The following SGPP2 variants were observed in gnomAD, a reference collection of about 807,000 sequenced individuals.
SGPP2 encodes sphingosine 1-phosphate phosphohydrolase 2.
In SGPP2, 30 loss-of-function variants were observed where a neutral mutation model predicts 33.9. The observed-to-expected ratio is 0.89, with a 90% CI of 0.66 to 1.20. The LOEUF (loss-of-function observed/expected upper bound fraction) is 1.20, where lower values mean the gene tolerates loss of function less well. Ranked by LOEUF, SGPP2 falls within the 50% of genes most tolerant of loss-of-function variation. The pLI, the probability that SGPP2 is intolerant of heterozygous loss-of-function variation, is 0.00. For missense variants in SGPP2, 458 were observed against 532.1 expected (o/e 0.86, Z 1.37); for synonymous variants, 233 against 225.0 (o/e 1.04, Z -0.32).
chr2:222,509,934 A>G (rs764738514), intron 2 of SGPP2, among the ~76,000 whole-genome samples: 5 of 152,166 alleles, frequency 3.3e-5, no homozygotes, highest in African/African-American at 7.2e-5. Context: ...TTTACTTTCT[A>G]TCTCTATGGA....
In SGPP2 at chr2:222,424,828, A is replaced by T; in HGVS notation, c.219+7A>T. On this transcript the variant is annotated splice_region_variant and intron_variant, in intron 1 of 4. Coordinates refer to ENST00000321276, the MANE Select transcript of SGPP2 (RefSeq NM_152386.4). ...CAGAGCCGCGGCGCCGGAGGTAACCATGGGCAGGTGTTCGCCGGGTACGGG... is the reference window on the plus strand; with the variant it reads ...CAGAGCCGCGGCGCCGGAGGTAACCTTGGGCAGGTGTTCGCCGGGTACGGG... 1.5e-6 allele frequency: 2 copies of T among 1,351,910 alleles called. No homozygotes were observed. Among genetic ancestry groups the T allele is most frequent in the Non-Finnish European group, 1.9e-6 (2 of 1,054,476 alleles). 83.7% of individuals were successfully genotyped at this position (1,351,910 alleles called of 1,614,324 possible). A position where few individuals can be genotyped will look rare whatever the true frequency, so the allele number is the denominator to read the frequency against.
intron 1 of SGPP2, among the ~76,000 whole-genome samples, chr2:222,438,470 C>T (rs972530761): frequency 9.2e-5 from 14 of 152,236 alleles, no homozygotes; most frequent in Admixed American, 6.5e-5. Context: ...TGATATACCC[C>T]TGAGGTAGGA....
intron 1 of SGPP2, among the ~76,000 whole-genome samples, chr2:222,459,371 A>G (rs980026907): frequency 2.0e-5 from 3 of 151,942 alleles, no homozygotes; most frequent in Admixed American, 6.6e-5. Context: ...GCTGGTCTCA[A>G]ACTCCTGAGC....
At chr2:222,436,011 G>A (rs893494500) in intron 1 of SGPP2, among the ~76,000 whole-genome samples, 1 of 152,176 alleles carries the variant, frequency 6.6e-6, no homozygotes, top group Non-Finnish European at 1.5e-5. Context: ...ACAGGGAATG[G>A]TAATACTAAG....
chr2:222,531,836 GC>G (rs1232889821), intron 4 of SGPP2, among the ~76,000 whole-genome samples: 1 of 152,092 alleles, frequency 6.6e-6, no homozygotes, highest in East Asian at 1.9e-4. Context: ...ATATGTGCAT[GC>G]CCCTGAACAA....
chr2:222,472,803 T>C (rs761416777), intron 1 of SGPP2, among the ~76,000 whole-genome samples: 2 of 152,192 alleles, frequency 1.3e-5, no homozygotes, highest in Non-Finnish European at 2.9e-5. Flanking sequence ...TTACCTGAAG[T>C]CAGGAGTTGG....
At chr2:222,452,039 T>TC (rs397694816) in intron 1 of SGPP2, among the ~76,000 whole-genome samples, 2 of 152,052 alleles carry the variant, frequency 1.3e-5, no homozygotes, top group South Asian at 2.1e-4. Context: ...TCTTTTTTTT[T>TC]CACATCAATT....
chr2:222,514,871 C>T (rs1372241684), intron 2 of SGPP2, among the ~76,000 whole-genome samples: 1 of 152,164 alleles, frequency 6.6e-6, no homozygotes, highest in Non-Finnish European at 1.5e-5. Flanking sequence ...GGACCAGGGG[C>T]TGAGCCCTTC....
chr2:222,443,631 G>T (rs1232023481), intron 1 of SGPP2, among the ~76,000 whole-genome samples: 2 of 152,192 alleles, frequency 1.3e-5, no homozygotes, highest in African/African-American at 4.8e-5. Flanking sequence ...GTTGTGCCAA[G>T]AGTAGATATT....
intron 2 of SGPP2, among the ~76,000 whole-genome samples, chr2:222,482,818 T>A (rs1215627577): frequency 1.3e-5 from 2 of 152,158 alleles, no homozygotes; most frequent in African/African-American, 4.8e-5. Context: ...GACAACTAAC[T>A]AGGGCCACAG....
At chr2:222,515,919 G>A (rs1030549076) in intron 2 of SGPP2, among the ~76,000 whole-genome samples, 14 of 152,066 alleles carry the variant, frequency 9.2e-5, no homozygotes, top group Non-Finnish European at 1.8e-4. Context: ...GTGGTAGCGC[G>A]TGACTGTAGT....
intron 1 of SGPP2, among the ~76,000 whole-genome samples, chr2:222,439,103 G>A (rs1374798205): frequency 6.6e-6 from 1 of 152,138 alleles, no homozygotes; most frequent in Admixed American, 6.5e-5. Context: ...GATGTTTTGG[G>A]TCCCCTGGAA....
intron 2 of SGPP2, among the ~76,000 whole-genome samples, chr2:222,491,047 T>C (rs1412691830): frequency 6.6e-6 from 1 of 152,216 alleles, no homozygotes; most frequent in Non-Finnish European, 1.5e-5. Flanking sequence ...ACTCCAGTAA[T>C]AATTGTCTCA....
At chr2:222,469,041 C>A (rs763981155) in intron 1 of SGPP2, among the ~76,000 whole-genome samples, 1 of 152,088 alleles carries the variant, frequency 6.6e-6, no homozygotes, top group Non-Finnish European at 1.5e-5. Context: ...TAAATAAGAG[C>A]CTCTCATGAG....
At chr2:222,495,206 G>A (rs1314871863) in intron 2 of SGPP2, among the ~76,000 whole-genome samples, 2 of 152,046 alleles carry the variant, frequency 1.3e-5, no homozygotes, top group Non-Finnish European at 1.5e-5. Context: ...TTGAGGCCAG[G>A]AGTTTGAGAC....
At chr2:222,434,415 G>A (rs1304490104) in intron 1 of SGPP2, among the ~76,000 whole-genome samples, 1 of 152,170 alleles carries the variant, frequency 6.6e-6, no homozygotes, top group Non-Finnish European at 1.5e-5. Context: ...AAAAGTCCCT[G>A]AGGCTTGGGC....
intron 1 of SGPP2, among the ~76,000 whole-genome samples, chr2:222,434,112 A>G (rs1482105100): frequency 6.6e-6 from 1 of 152,174 alleles, no homozygotes; most frequent in East Asian, 1.9e-4. Context: ...TTTCCAGGCA[A>G]CGCATCAAGA....
chr2:222,427,320 G>A (rs766071188), intron 1 of SGPP2, among the ~76,000 whole-genome samples: 4 of 152,110 alleles, frequency 2.6e-5, no homozygotes, highest in Non-Finnish European at 5.9e-5. Context: ...GAGTGCAGTG[G>A]CACAATCATA....
chr2:222,527,862 C>T (rs4575712), intron 4 of SGPP2, among the ~76,000 whole-genome samples: 126,278 of 152,124 alleles, frequency 0.83, 53,461 homozygotes, highest in East Asian at 0.98. Context: ...GGATTAGTTG[C>T]CTTTATTCAG....
Sources: gnomAD v4.1 joint callset for allele counts (sites outside exome capture counted in the v4.1 genomes callset) on GRCh38, gnomAD v4.1.1 for gene constraint, MANE v1.5 for transcripts, NCBI Gene and HGNC (gene_info 2026-07-23, HGNC 2026-07-21) for gene names.